The following OR4S1 variants were observed in gnomAD, a reference collection of about 807,000 sequenced individuals.
OR4S1 encodes olfactory receptor 4S1.
For synonymous variants in OR4S1, 197 were observed against 144.5 expected (o/e 1.36, Z -2.61); for missense variants, 531 against 383.0 (o/e 1.39, Z -3.23).
chr11:48,307,089 C>A lies in OR4S1; in HGVS notation c.867C>A (p.Asn289Lys). Residue 289 changes from asparagine to lysine, a missense_variant, in exon 1 of 1, where the codon AAC becomes AAA. Physicochemically the swap from Asn to Lys is moderately conservative, Grantham distance 94. Transcript: ENST00000319988. ...LLNPLIYTLRNNDVKNAMRKL... is the reference protein window; with the variant it reads ...LLNPLIYTLRKNDVKNAMRKL... ...ACCCTTTGATCTATACACTAAGGAACAACGATGTGAAAAATGCCATGAGGA... is the reference window on the plus strand; with the variant it reads ...ACCCTTTGATCTATACACTAAGGAAAAACGATGTGAAAAATGCCATGAGGA... 2.5e-6 allele frequency: 4 copies of A among 1,614,016 alleles called. No homozygotes were observed. The East Asian group carries it at 6.7e-5, about 27-fold the overall frequency.
chr11:48,306,647 T>A lies in OR4S1; in HGVS notation c.425T>A (p.Leu142Gln), dbSNP rs1260227800. Residue 142 changes from leucine (L) to glutamine (Q), a missense_variant, in exon 1 of 1, where the codon CTA (leucine) becomes CAA (glutamine). Leu to Gln is a moderately radical substitution (Grantham distance 113). Coordinates refer to ENST00000319988, the MANE Select transcript of OR4S1 (RefSeq NM_001004725.1). Reference sequence around the variant, plus strand: ...ATGGATTGCCGGAAGTGTGGCCTGCTAGCGGGGGCCTCCTGGTTAGCTGGC... The same window carrying A: ...ATGGATTGCCGGAAGTGTGGCCTGCAAGCGGGGGCCTCCTGGTTAGCTGGC... ...AIMDCRKCGL[L>Q]AGASWLAGFL... The A allele has an allele frequency of 1.2e-6, 2 of 1,613,842 alleles. No individual in the cohort carries two copies. The highest frequency in any genetic ancestry group is 1.7e-6 in the Non-Finnish European group (2 of 1,179,874).
At position 48,307,117 on chromosome 11, in the gene OR4S1, C is replaced by T. The variant is rs755081295; in HGVS notation, c.895C>T (p.Leu299=). 2 of 1,613,880 alleles carry T rather than the reference C, an allele frequency of 1.2e-6. No homozygotes were observed. Among genetic ancestry groups the T allele is most frequent in the Admixed American group, 1.7e-5 (1 of 60,006 alleles). ...CGATGTGAAAAATGCCATGAGGAAG[C>T]TGTTTAGGGTCAAGAGGAGCTTAGG... ...NNDVKNAMRK[L]FRVKRSLGEK Residue 299 remains leucine, a synonymous_variant, in exon 1 of 1, where the codon CTG becomes TTG. Coordinates refer to ENST00000319988, the MANE Select transcript of OR4S1 (RefSeq NM_001004725.1).
Position 48,307,051 on chromosome 11 carries a change from C to G in OR4S1, c.829C>G (p.Pro277Ala). 1 of 1,614,018 alleles carries G rather than the reference C, an allele frequency of 6.2e-7. No homozygotes were observed. The highest frequency in any genetic ancestry group is 1.3e-5 in the African/African-American group (1 of 75,020). Residue 277 changes from proline to alanine, a missense_variant, in exon 1 of 1, where the codon CCA becomes GCA. Physicochemically the swap from Pro to Ala is conservative, Grantham distance 27. Transcript: ENST00000319988. ...TATCATCCTCTTTAACATTGTGATG[C>G]CACCTTTGCTGAACCCTTTGATCTA... ...KLIILFNIVM[P>A]PLLNPLIYTL...
Position 48,306,690 on chromosome 11 carries a change from GC to G in OR4S1, c.469del (p.Gln157ArgfsTer16). On this transcript the variant is annotated frameshift_variant, in exon 1 of 1. Coordinates refer to ENST00000319988, the MANE Select transcript of OR4S1 (RefSeq NM_001004725.1). LOFTEE classifies it low-confidence loss of function (END_TRUNC). ...TAGCTGGCTTCCTGCATTCCATCCT[GC>G]AGACCCTCCTCACGGTTCAGCTGCC... ...WLAGFLHSIL[Q>X]TLLTVQLPFC... The G allele has an allele frequency of 6.2e-7, 1 of 1,614,090 alleles. No homozygotes were observed. Among genetic ancestry groups the G allele is most frequent in the Non-Finnish European group, 8.5e-7 (1 of 1,180,016 alleles).
In OR4S1 at chr11:48,306,922, G is replaced by T. The variant is rs377193891; in HGVS notation, c.700G>T (p.Ala234Ser). Reference protein sequence around the residue: ...RSQSSEDRRKAVSTCGSHVIT... With the variant: ...RSQSSEDRRKSVSTCGSHVIT... Reference sequence around the variant, plus strand: ...CCAGTCATCTGAGGACCGGCGTAAGGCTGTCTCCACATGTGGCTCACACGT... The same window carrying T: ...CCAGTCATCTGAGGACCGGCGTAAGTCTGTCTCCACATGTGGCTCACACGT... The change falls in exon 1 of 1, where the codon GCT (alanine) becomes TCT (serine). Residue 234 changes from alanine (A) to serine (S), a missense_variant. By Grantham distance (99) the Ala-to-Ser change is moderately conservative (BLOSUM62 1). Transcript: ENST00000319988. 2.2e-5 allele frequency: 36 copies of T among 1,613,988 alleles called. No homozygotes were observed. Among genetic ancestry groups the T allele is most frequent in the Non-Finnish European group, 3.0e-5 (35 of 1,179,966 alleles).
Position 48,306,252 on chromosome 11 carries a change from T to G in OR4S1, c.30T>G (p.Phe10Leu), listed in dbSNP as rs1851980702. The G allele has an allele frequency of 6.2e-7, 1 of 1,602,678 alleles. No homozygotes were observed. The highest frequency in any genetic ancestry group is 1.4e-5 in the African/African-American group (1 of 73,744). ...GTGCCAAGAACAATGTGACTGAGTT[T>G]GTTTTATTTGGCCTTTTTGAGAGCA... MGAKNNVTEFVLFGLFESRE... is the reference protein window; with the variant it reads MGAKNNVTELVLFGLFESRE... Residue 10 changes from phenylalanine (F) to leucine (L), a missense_variant, in exon 1 of 1, where the codon TTT becomes TTG. Physicochemically the swap from Phe to Leu is conservative, Grantham distance 22. Transcript: ENST00000319988.
In OR4S1 at chr11:48,306,782, G is replaced by T. The variant is rs1416109961; in HGVS notation, c.560G>T (p.Cys187Phe). 6.2e-7 allele frequency: 1 copy of T among 1,614,104 alleles called. No homozygotes were observed. Among genetic ancestry groups the T allele is most frequent in the Admixed American group, 1.7e-5 (1 of 60,012 alleles). The change falls in exon 1 of 1, where the codon TGT (cysteine) becomes TTT (phenylalanine). Residue 187 changes from cysteine (C) to phenylalanine (F), a missense_variant. Physicochemically the swap from Cys to Phe is radical, Grantham distance 205. Coordinates refer to ENST00000319988, the MANE Select transcript of OR4S1 (RefSeq NM_001004725.1). Reference protein sequence around the residue: ...CDVHPLLKLACADTYMVGLIV... With the variant: ...CDVHPLLKLAFADTYMVGLIV... ...GTTCATCCCCTGCTCAAGTTGGCCT[G>T]TGCAGACACCTACATGGTAGGTCTC...
Position 48,306,617 on chromosome 11 carries a change from C to A in OR4S1, c.395C>A (p.Ala132Asp), listed in dbSNP as rs1851986672. 6.6e-7 allele frequency: 1 copy of A among 1,512,100 alleles called. No individual in the cohort carries two copies. The highest frequency in any genetic ancestry group is 9.1e-7 in the Non-Finnish European group (1 of 1,095,514). The allele number at this position is 1,512,100 out of a possible 1,614,324, so 93.7% of individuals were successfully genotyped here. Residue 132 changes from alanine (A) to aspartate (D), a missense_variant, in exon 1 of 1, where the codon GCC (alanine) becomes GAC (aspartate). Coordinates refer to ENST00000319988, the MANE Select transcript of OR4S1 (RefSeq NM_001004725.1). ...VAICRPLHYT[A>D]IMDCRKCGLL... ...ATCTGTAGGCCCCTGCACTACACAG[C>A]CATCATGGATTGCCGGAAGTGTGGC...
rs986185033 is a variant in OR4S1, at chr11:48,306,784, G to A, written c.562G>A (p.Ala188Thr). Residue 188 changes from alanine to threonine, a missense_variant, in exon 1 of 1, where the codon GCA becomes ACA. Coordinates refer to ENST00000319988, the MANE Select transcript of OR4S1 (RefSeq NM_001004725.1). ...TCATCCCCTGCTCAAGTTGGCCTGT[G>A]CAGACACCTACATGGTAGGTCTCAT... is the stretch of plus-strand genomic sequence containing the variant. The part of the protein sequence containing the change: ...DVHPLLKLAC[A>T]DTYMVGLIVV... The A allele has an allele frequency of 1.2e-5, 19 of 1,614,180 alleles. No individual in the cohort carries two copies. The highest frequency in any genetic ancestry group is 1.6e-5 in the Non-Finnish European group (19 of 1,180,016).
rs770329290 is a variant in OR4S1 at position 48,306,766 on chromosome 11, C to T, written c.544C>T (p.Leu182=). ...IDNFFCDVHP[L]LKLACADTYM... is the part of the protein sequence containing the mutation. ...CAACTTCTTCTGTGATGTTCATCCC[C>T]TGCTCAAGTTGGCCTGTGCAGACAC... is the stretch of plus-strand genomic sequence containing the variant. Residue 182 remains leucine (L), a synonymous_variant, in exon 1 of 1, where the codon CTG becomes TTG. Coordinates refer to ENST00000319988, the MANE Select transcript of OR4S1 (RefSeq NM_001004725.1). 11 of 1,614,206 alleles carry T rather than the reference C, an allele frequency of 6.8e-6. No individual in the cohort carries two copies. The highest frequency in any genetic ancestry group is 1.3e-5 in the African/African-American group (1 of 75,064).
rs769353250 is a variant in OR4S1, at chr11:48,306,697, C to A, written c.475C>A (p.Leu159Ile). ...AGFLHSILQT[L>I]LTVQLPFCGP... is the part of the protein sequence containing the mutation. ...CTTCCTGCATTCCATCCTGCAGACC[C>A]TCCTCACGGTTCAGCTGCCTTTTTG... is the stretch of plus-strand genomic sequence containing the variant. The change falls in exon 1 of 1, where the codon CTC (leucine) becomes ATC (isoleucine). Residue 159 changes from leucine (L) to isoleucine (I), a missense_variant. Transcript: ENST00000319988. The A allele has an allele frequency of 1.9e-6, 3 of 1,614,062 alleles. No individual in the cohort carries two copies. The highest frequency in any genetic ancestry group is 1.7e-5 in the Admixed American group (1 of 60,000).
chr11:48,306,243 G>T lies in OR4S1; in HGVS notation c.21G>T (p.Val7=). 6.2e-7 allele frequency: 1 copy of T among 1,601,410 alleles called. No individual in the cohort carries two copies. Among genetic ancestry groups the T allele is most frequent in the South Asian group, 1.1e-5 (1 of 90,490 alleles). ...AATCCATGGGTGCCAAGAACAATGT[G>T]ACTGAGTTTGTTTTATTTGGCCTTT... MGAKNN[V]TEFVLFGLFE... The change falls in exon 1 of 1, where the codon GTG becomes GTT. Residue 7 remains valine, a synonymous_variant. Coordinates refer to ENST00000319988, the MANE Select transcript of OR4S1 (RefSeq NM_001004725.1).
rs751377769 is a variant in OR4S1 at position 48,306,654 on chromosome 11, G to A, written c.432G>A (p.Gly144=). Residue 144 remains glycine, a synonymous_variant, in exon 1 of 1, where the codon GGG becomes GGA. Coordinates refer to ENST00000319988, the MANE Select transcript of OR4S1 (RefSeq NM_001004725.1). ...GCCGGAAGTGTGGCCTGCTAGCGGGGGCCTCCTGGTTAGCTGGCTTCCTGC... is the reference window on the plus strand; with the variant it reads ...GCCGGAAGTGTGGCCTGCTAGCGGGAGCCTCCTGGTTAGCTGGCTTCCTGC... ...MDCRKCGLLA[G]ASWLAGFLHS... The A allele has an allele frequency of 8.1e-6, 13 of 1,613,790 alleles. No individual in the cohort carries two copies. The East Asian group carries it at 1.8e-4, about 22-fold the overall frequency.
chr11:48,306,624 GGATT>G lies in OR4S1; in HGVS notation c.404_407del (p.Asp135AlafsTer7). On this transcript the variant is annotated frameshift_variant, in exon 1 of 1. Coordinates refer to ENST00000319988, the MANE Select transcript of OR4S1 (RefSeq NM_001004725.1). LOFTEE classifies it low-confidence loss of function (END_TRUNC). Reference sequence around the variant, plus strand: ...GGCCCCTGCACTACACAGCCATCATGGATTGCCGGAAGTGTGGCCTGCTAGCGGG... The same window carrying G: ...GGCCCCTGCACTACACAGCCATCATGGCCGGAAGTGTGGCCTGCTAGCGGG... 4 of 1,612,758 alleles carry G rather than the reference GGATT, an allele frequency of 2.5e-6. No individual in the cohort carries two copies. Among genetic ancestry groups the G allele is most frequent in the Non-Finnish European group, 3.4e-6 (4 of 1,178,738 alleles).
In OR4S1 at chr11:48,306,791, C is replaced by T; in HGVS notation, c.569C>T (p.Thr190Ile). Residue 190 changes from threonine to isoleucine, a missense_variant, in exon 1 of 1, where the codon ACC (threonine) becomes ATC (isoleucine). Physicochemically the swap from Thr to Ile is moderately conservative, Grantham distance 89. Transcript: ENST00000319988. ...HPLLKLACAD[T>I]YMVGLIVVAN... ...CTGCTCAAGTTGGCCTGTGCAGACA[C>T]CTACATGGTAGGTCTCATCGTGGTG... 1 of 1,614,182 alleles carries T rather than the reference C, an allele frequency of 6.2e-7. No homozygotes were observed.
Position 48,306,359 on chromosome 11 carries a change from C to G in OR4S1, c.137C>G (p.Thr46Ser). The G allele has an allele frequency of 6.2e-7, 1 of 1,607,146 alleles. No individual in the cohort carries two copies. The highest frequency in any genetic ancestry group is 1.1e-5 in the South Asian group (1 of 90,740). ...CTGGGGAACCTTCTGGTCATCATCA[C>G]CATCAATGCTAGAAAGACCCTGAAG... ...TVLGNLLVII[T>S]INARKTLKSP... Residue 46 changes from threonine to serine, a missense_variant, in exon 1 of 1, where the codon ACC (threonine) becomes AGC (serine). Coordinates refer to ENST00000319988, the MANE Select transcript of OR4S1 (RefSeq NM_001004725.1).
chr11:48,307,125 G>C lies in OR4S1; in HGVS notation c.903G>C (p.Arg301Ser). 3.1e-6 allele frequency: 5 copies of C among 1,613,464 alleles called. No homozygotes were observed. The highest frequency in any genetic ancestry group is 1.1e-5 in the South Asian group (1 of 91,068). ...DVKNAMRKLF[R>S]VKRSLGEK ...AAAATGCCATGAGGAAGCTGTTTAG[G>C]GTCAAGAGGAGCTTAGGGGAGAAGT... Residue 301 changes from arginine to serine, a missense_variant, in exon 1 of 1, where the codon AGG (arginine) becomes AGC (serine). Arg to Ser is a moderately radical substitution (Grantham distance 110). Coordinates refer to ENST00000319988, the MANE Select transcript of OR4S1 (RefSeq NM_001004725.1).
chr11:48,306,705 G>T lies in OR4S1; in HGVS notation c.483G>T (p.Thr161=), dbSNP rs140613018. 15 of 1,613,978 alleles carry T rather than the reference G, an allele frequency of 9.3e-6. No homozygotes were observed. The South Asian group carries it at 1.6e-4, about 18-fold the overall frequency. Residue 161 remains threonine (T), a synonymous_variant, in exon 1 of 1, where the codon ACG becomes ACT. Transcript: ENST00000319988. ...ATTCCATCCTGCAGACCCTCCTCACGGTTCAGCTGCCTTTTTGTGGGCCCA... is the reference window on the plus strand; with the variant it reads ...ATTCCATCCTGCAGACCCTCCTCACTGTTCAGCTGCCTTTTTGTGGGCCCA... ...FLHSILQTLL[T]VQLPFCGPNE...
chr11:48,306,232 A>G lies in OR4S1; in HGVS notation c.10A>G (p.Lys4Glu). MGAKNNVTEFVLFG... is the reference protein window; with the variant it reads MGAENNVTEFVLFG... ...TCAGGGCAGATAATCCATGGGTGCC[A>G]AGAACAATGTGACTGAGTTTGTTTT... Residue 4 changes from lysine to glutamate, a missense_variant, in exon 1 of 1, where the codon AAG becomes GAG. Physicochemically the swap from Lys to Glu is moderately conservative, Grantham distance 56. Coordinates refer to ENST00000319988, the MANE Select transcript of OR4S1 (RefSeq NM_001004725.1). The G allele has an allele frequency of 6.3e-7, 1 of 1,598,360 alleles. No homozygotes were observed. The highest frequency in any genetic ancestry group is 8.6e-7 in the Non-Finnish European group (1 of 1,169,448).
Sources: allele counts gnomAD v4.1 joint callset, GRCh38; gene constraint gnomAD v4.1.1; transcripts MANE v1.5; gene names NCBI Gene and HGNC (gene_info 2026-07-23, HGNC 2026-07-21).